The following SLIT1 variants were observed in gnomAD, a reference collection of about 807,000 sequenced individuals.
SLIT1 encodes slit guidance ligand 1.
SLIT1 carries 66 observed loss-of-function variants against 186.1 expected under a neutral mutation model. That is an observed-to-expected ratio of 0.35 (90% CI 0.29 to 0.44). The LOEUF (loss-of-function observed/expected upper bound fraction) is 0.44. SLIT1 is among the 20% of genes least tolerant of loss of function. The probability of loss-of-function intolerance (pLI) is 1.00; values close to 1 mark genes in which losing one functional copy is unlikely to be tolerated. For missense variants in SLIT1, 1,638 were observed against 2,037.4 expected (o/e 0.80, Z 3.77); for synonymous variants, 761 against 833.8 (o/e 0.91, Z 1.50).
chr10:97,140,769 G>A (rs1250992219), intron 4 of SLIT1, among the ~76,000 whole-genome samples: 2 of 152,178 alleles, frequency 1.3e-5, no homozygotes, highest in South Asian at 2.1e-4. Context: ...TTTTGCCCAG[G>A]GATAAACCTC....
chr10:97,042,602 C>T (rs1848699243), intron 20 of SLIT1, among the ~76,000 whole-genome samples: 2 of 152,194 alleles, frequency 1.3e-5, no homozygotes, highest in Admixed American at 1.3e-4. Flanking sequence ...AGAAACTACA[C>T]TAAAATGGGA....
rs189285604 is a variant in SLIT1, at chr10:97,004,592, G to A, written c.3710+101C>T. 50 of 1,415,238 alleles carry A rather than the reference G, an allele frequency of 3.5e-5. 1 individual carries two copies. The African/African-American group carries it at 5.3e-4, about 15-fold the overall frequency. The allele number at this position is 1,415,238 out of a possible 1,614,324, so 87.7% of individuals were successfully genotyped here. A position where few individuals can be genotyped will look rare whatever the true frequency, so the allele number is the denominator to read the frequency against. ...TGTCCTTCAAACTCAGGCAGCCCAG[G>A]TTTCTAGAGGTCTCGATAACCACCT... On this transcript the variant is annotated intron_variant, in intron 33 of 36. Transcript: ENST00000266058. This position sits in a 1 kb window ranked among gnomAD's most constrained non-coding sequence, Gnocchi z 5.1.
At chr10:97,066,890 C>T (rs1848952143) in intron 4 of SLIT1, among the ~76,000 whole-genome samples, 1 of 152,166 alleles carries the variant, frequency 6.6e-6, no homozygotes, top group Non-Finnish European at 1.5e-5. Flanking sequence ...AACAGAGGTG[C>T]TTCTGGAGGG....
chr10:97,051,127 A>C (rs563392188), intron 13 of SLIT1, among the ~76,000 whole-genome samples: 1 of 152,244 alleles, frequency 6.6e-6, no homozygotes, highest in African/African-American at 2.4e-5. Context: ...GTCTTTGTAG[A>C]TGTATGCATT....
In SLIT1 at chr10:97,116,547, G is replaced by A. The variant is rs751344382; in HGVS notation, c.413+41271C>T. On this transcript the variant is annotated intron_variant, in intron 4 of 36. Coordinates refer to ENST00000266058, the MANE Select transcript of SLIT1 (RefSeq NM_003061.3). ...CAGGAGCCCATCCTGTCTCCTCTAT[G>A]CCTGGTGAGCAGTGGGGTTTCTGTC... Among the ~76,000 whole-genome samples the A allele has an allele frequency of 2.0e-5, 3 of 152,202 alleles. No individual in the cohort carries two copies. The East Asian group carries it at 5.8e-4, about 29-fold the overall frequency.
intron 30 of SLIT1, among the ~76,000 whole-genome samples, chr10:97,012,011 T>A (rs1413971304): frequency 6.6e-6 from 1 of 151,694 alleles, no homozygotes; most frequent in African/African-American, 2.4e-5. Flanking sequence ...TGCTCTTGCC[T>A]GGGATTTTTA....
At chr10:97,122,594 A>C (rs1405182310) in intron 4 of SLIT1, among the ~76,000 whole-genome samples, 1 of 152,206 alleles carries the variant, frequency 6.6e-6, no homozygotes, top group East Asian at 1.9e-4. Flanking sequence ...GTGCATGTGC[A>C]TCTGTCCAGG....
chr10:97,006,242 G>A lies in SLIT1; in HGVS notation c.3579+241C>T, dbSNP rs1848358344. Among the ~76,000 whole-genome samples, 1 of 152,170 alleles carries A rather than the reference G, an allele frequency of 6.6e-6. No individual in the cohort carries two copies. Among genetic ancestry groups the A allele is most frequent in the Non-Finnish European group, 1.5e-5 (1 of 68,024 alleles). On this transcript the variant is annotated intron_variant, in intron 32 of 36. Coordinates refer to ENST00000266058, the MANE Select transcript of SLIT1 (RefSeq NM_003061.3). The surrounding 1 kb of genome is among the most constrained non-coding windows in gnomAD (Gnocchi z 4.0). ...GGGATGATGGCAAGCCTGGTTTTCT[G>A]GATTCAGTTACCCATGAGACCATGT... is the stretch of plus-strand genomic sequence containing the variant.
intron 28 of SLIT1, among the ~76,000 whole-genome samples, chr10:97,014,414 G>A (rs1451653577): frequency 6.6e-6 from 1 of 152,182 alleles, no homozygotes; most frequent in African/African-American, 2.4e-5. Context: ...TGTAAGCACT[G>A]AAGCCAGGGA....
chr10:97,126,298 T>C (rs1244987527), intron 4 of SLIT1, among the ~76,000 whole-genome samples: 2 of 152,214 alleles, frequency 1.3e-5, no homozygotes, highest in Non-Finnish European at 2.9e-5. Flanking sequence ...ACGTGGGACA[T>C]GGGTGTCTCT....
At chr10:97,024,924 A>C (rs1161876021) in intron 25 of SLIT1, among the ~76,000 whole-genome samples, 1 of 152,206 alleles carries the variant, frequency 6.6e-6, no homozygotes, top group African/African-American at 2.4e-5. Flanking sequence ...AAATGTCAGC[A>C]AAGTGACACC....
Position 97,046,715 on chromosome 10 carries a change from C to T in SLIT1, c.1792G>A (p.Ala598Thr), listed in dbSNP as rs775727998. Reference sequence around the variant, plus strand: ...CTCCGGATGGACTCCAGCTGGTTGGCAGTTAGGTGCAGCTCGCTCACAGAG... The same window carrying T: ...CTCCGGATGGACTCCAGCTGGTTGGTAGTTAGGTGCAGCTCGCTCACAGAG... ...AASVSELHLT[A>T]NQLESIRSGM... is the part of the protein sequence containing the mutation. Residue 598 changes from alanine to threonine, a missense_variant, in exon 18 of 37, where the codon GCC becomes ACC. Physicochemically the swap from Ala to Thr is moderately conservative, Grantham distance 58 (BLOSUM62 0). This residue lies in a region of SLIT1 where 1,245 missense variants were observed against 1,535.3 expected (regional missense o/e 0.81). Coordinates refer to ENST00000266058, the MANE Select transcript of SLIT1 (RefSeq NM_003061.3). 6 of 1,612,148 alleles carry T rather than the reference C, an allele frequency of 3.7e-6. No homozygotes were observed. In the East Asian group the frequency reaches 1.1e-4, roughly 30 times the overall value.
intron 13 of SLIT1, among the ~76,000 whole-genome samples, chr10:97,055,090 G>A (rs11816735): frequency 0.027 from 4,072 of 152,152 alleles, 186 homozygotes; most frequent in African/African-American, 0.09. Flanking sequence ...GGTGACGGGC[G>A]CCTGTAATCC....
intron 36 of SLIT1, among the ~76,000 whole-genome samples, 171 bp from the exon 37 acceptor site, chr10:97,001,521 A>G (rs1469247767): frequency 2.0e-5 from 3 of 152,110 alleles, no homozygotes; most frequent in African/African-American, 4.8e-5. Flanking sequence ...ACTGACATGC[A>G]CAAGCTTCCT....
At position 97,004,036 on chromosome 10, in the gene SLIT1, C is replaced by T; in HGVS notation, c.3865+32G>A. 1 of 1,581,986 alleles carries T rather than the reference C, an allele frequency of 6.3e-7. No homozygotes were observed. Among genetic ancestry groups the T allele is most frequent in the Non-Finnish European group, 8.6e-7 (1 of 1,156,962 alleles). On this transcript the variant is annotated intron_variant, in intron 34 of 36. Coordinates refer to ENST00000266058, the MANE Select transcript of SLIT1 (RefSeq NM_003061.3). The surrounding 1 kb of genome is among the most constrained non-coding windows in gnomAD (Gnocchi z 5.1). ...TCCTGGCTGGCCTCAGGCCAGACAG[C>T]AAAAGAGGCCCCGCCAGGGCCAGGT...
chr10:97,027,581 C>T (rs1361064418), intron 25 of SLIT1, among the ~76,000 whole-genome samples: 1 of 152,170 alleles, frequency 6.6e-6, no homozygotes, highest in Admixed American at 6.5e-5. Context: ...AAACTGATGC[C>T]ACTTTCTACA....
Position 97,001,047 on chromosome 10 carries a change from C to A in SLIT1, c.*65G>T. ...TGCACCCCAGCCCAGCTGCTGGCGA[C>A]TGTCTCCGCTGCTGCAGCGGCTGGG... On this transcript the variant is annotated 3_prime_UTR_variant, in exon 37 of 37. Transcript: ENST00000266058. 7.4e-7 allele frequency: 1 copy of A among 1,345,886 alleles called. No individual in the cohort carries two copies. Among genetic ancestry groups the A allele is most frequent in the Non-Finnish European group, 1.1e-6 (1 of 952,002 alleles). The allele number at this position is 1,345,886 out of a possible 1,614,324, so 83.4% of individuals were successfully genotyped here.
intron 36 of SLIT1, 100 bp downstream of exon 36, chr10:97,002,058 A>G (rs2134584197): frequency 1.4e-6 from 1 of 734,288 alleles, no homozygotes; most frequent in Non-Finnish European, 2.1e-6. Context: ...CAGGGCTGGG[A>G]AGGGACAGAA....
chr10:97,029,071 C>T (rs1848569507), intron 25 of SLIT1, among the ~76,000 whole-genome samples: 1 of 152,148 alleles, frequency 6.6e-6, no homozygotes, highest in South Asian at 2.1e-4. Context: ...TAACATAAAA[C>T]GCACTTCCCG....
Sources: gnomAD v4.1 joint callset for allele counts (sites outside exome capture counted in the v4.1 genomes callset) on GRCh38, gnomAD v4.1.1 for gene constraint, gnomAD v4.1.1 regional missense constraint, Gnocchi (gnomAD v3.1) non-coding constraint, MANE v1.5 for transcripts, NCBI Gene and HGNC (gene_info 2026-07-23, HGNC 2026-07-21) for gene names.